AGGF1: variants seen among roughly 807,000 people sequenced by gnomAD.
The protein encoded by AGGF1 is angiogenic factor with G patch and FHA domains 1.
AGGF1 carries 56 observed loss-of-function variants against 86.5 expected under a neutral mutation model. That is an observed-to-expected ratio of 0.65 (90% CI 0.52 to 0.81). The LOEUF is 0.81. AGGF1 is among the 30% of genes least tolerant of loss of function. The pLI, the probability that AGGF1 is intolerant of heterozygous loss-of-function variation, is 0.00. For missense variants in AGGF1, 816 were observed against 850.9 expected (o/e 0.96, Z 0.51); for synonymous variants, 313 against 297.1 (o/e 1.05, Z -0.55).
intron 5 of AGGF1, among the ~76,000 whole-genome samples, chr5:77,042,543 C>T (rs1421832530): frequency 7.8e-5 from 6 of 77,378 alleles, no homozygotes; most frequent in African/African-American, 1.5e-4. Context: ...GCAGAGGCGC[C>T]CCTCACCTCC....
In AGGF1 at chr5:77,040,399, C is replaced by T. The variant is rs576462795; in HGVS notation, c.870+680C>T. Among the ~76,000 whole-genome samples, 23 of 148,490 alleles carry T rather than the reference C, an allele frequency of 1.5e-4. 1 individual carries two copies. Among genetic ancestry groups the T allele is most frequent in the South Asian group, 1.5e-3 (7 of 4,696 alleles). On this transcript the variant is annotated intron_variant, in intron 5 of 13. Transcript: ENST00000312916. ...TGCTGAGATTACAGGCATGAGCCAC[C>T]GCACCCGGCCAGGAAAATATTAAAA...
intron 11 of AGGF1, among the ~76,000 whole-genome samples, chr5:77,055,873 G>A (rs1747448627): frequency 6.6e-6 from 1 of 152,176 alleles, no homozygotes; most frequent in Non-Finnish European, 1.5e-5. Flanking sequence ...TCTGTAGTTT[G>A]TAGTCCCTGG....
At chr5:77,044,219 C>G (rs1453641343) in intron 5 of AGGF1, among the ~76,000 whole-genome samples, 1 of 150,238 alleles carries the variant, frequency 6.7e-6, no homozygotes, top group Admixed American at 6.6e-5. Context: ...TTTGGGAGGC[C>G]AGGGCAGGCG....
At position 77,032,252 on chromosome 5, in the gene AGGF1, T is replaced by TAAAAAAA. The variant is rs35068401; in HGVS notation, c.210+1292_210+1298dup. The stretch of plus-strand genomic sequence containing the variant: ...CTATGCTAGGAAAATACAAATATGG[T>TAAAAAAA]AAAAAAAAAAAAAAAAAAAAAACAG... On this transcript the variant is annotated intron_variant, in intron 1 of 13. Coordinates refer to ENST00000312916, the MANE Select transcript of AGGF1 (RefSeq NM_018046.5). Among the ~76,000 whole-genome samples, 292 of 107,840 alleles carry TAAAAAAA rather than the reference T, an allele frequency of 2.7e-3. 12 individuals carry two copies. Among genetic ancestry groups the TAAAAAAA allele is most frequent in the East Asian group, 6.3e-3 (23 of 3,676 alleles). The allele number at this position is 107,840 out of a possible 152,430, so 70.7% of individuals were successfully genotyped here. A position where few individuals can be genotyped will look rare whatever the true frequency, so the allele number is the denominator to read the frequency against.
intron 5 of AGGF1, among the ~76,000 whole-genome samples, chr5:77,046,047 G>A (rs1282619592): frequency 6.6e-6 from 1 of 152,214 alleles, no homozygotes; most frequent in African/African-American, 2.4e-5. Context: ...TTAAGACATT[G>A]AGAATAGAGA....
rs922480591 is a variant in AGGF1 at position 77,034,346 on chromosome 5, G to A, written c.211-72G>A. 7 of 915,508 alleles carry A rather than the reference G, an allele frequency of 7.6e-6. No homozygotes were observed. In the African/African-American group the frequency reaches 8.2e-5, roughly 11 times the overall value. 56.7% of individuals were successfully genotyped at this position (915,508 alleles called of 1,614,324 possible). A position where few individuals can be genotyped will look rare whatever the true frequency, so the allele number is the denominator to read the frequency against. On this transcript the variant is annotated intron_variant, in intron 1 of 13. Transcript: ENST00000312916. The stretch of plus-strand genomic sequence containing the variant: ...TTTCTCTAAAACAATTATTTGTAAC[G>A]GTAGGAGACTGGTATATATATTATT...
At chr5:77,054,866 G>T (rs1025339106) in intron 10 of AGGF1, among the ~76,000 whole-genome samples, 1 of 152,044 alleles carries the variant, frequency 6.6e-6, no homozygotes, top group Admixed American at 6.5e-5. Flanking sequence ...AGGCATGAAG[G>T]GTTATTGATT....
At chr5:77,054,210 A>G (rs1747423613) in intron 10 of AGGF1, 80 bp downstream of exon 10, 2 of 1,533,080 alleles carry the variant, frequency 1.3e-6, no homozygotes, top group Admixed American at 1.7e-5. Context: ...TCAGTCAGCT[A>G]CTGGCTACAT....
At chr5:77,054,273 CT>C in intron 10 of AGGF1, 143 bp downstream of exon 10, 4 of 1,001,962 alleles carry the variant, frequency 4.0e-6, no homozygotes, top group Non-Finnish European at 6.1e-6. Context: ...AGCTATCAGT[CT>C]TGTATCCAGT....
intron 11 of AGGF1, among the ~76,000 whole-genome samples, chr5:77,056,310 C>T (rs1303991226): frequency 7.0e-6 from 1 of 142,880 alleles, no homozygotes; most frequent in Non-Finnish European, 1.5e-5. Flanking sequence ...CTCACTGCTA[C>T]CTCTGTCTCC....
At chr5:77,059,489 A>G (rs1165484194) in intron 11 of AGGF1, 127 bp from the exon 12 acceptor site, 1 of 900,144 alleles carries the variant, frequency 1.1e-6, no homozygotes, top group Non-Finnish European at 1.7e-6. Context: ...TCTTCATATC[A>G]TAGCTTGTTT....
At position 77,052,381 on chromosome 5, in the gene AGGF1, C is replaced by CA. The variant is rs939260608; in HGVS notation, c.1366-314dup. ...AAAAAAAGTTTTTGATGATATGGACCAAAAAAAAAAAGTTTTTAATGATAT... is the reference window on the plus strand; with the variant it reads ...AAAAAAAGTTTTTGATGATATGGACCAAAAAAAAAAAAGTTTTTAATGATAT... On this transcript the variant is annotated intron_variant, in intron 8 of 13. Transcript: ENST00000312916. 4.4e-4 allele frequency among the ~76,000 whole-genome samples: 61 copies of CA among 137,390 alleles called. 1 individual carries two copies. The highest frequency in any genetic ancestry group is 1.2e-3 in the African/African-American group (46 of 37,230). The allele number at this position is 137,390 out of a possible 152,430, so 90.1% of individuals were successfully genotyped here.
At position 77,036,617 on chromosome 5, in the gene AGGF1, G is replaced by A. The variant is rs750966827; in HGVS notation, c.578G>A (p.Ser193Asn). 5 of 1,614,086 alleles carry A rather than the reference G, an allele frequency of 3.1e-6. No individual in the cohort carries two copies. The highest frequency in any genetic ancestry group is 4.5e-5 in the East Asian group (2 of 44,886). The change falls in exon 4 of 14, where the codon AGT (serine) becomes AAT (asparagine). Residue 193 changes from serine to asparagine, a missense_variant. Physicochemically the swap from Ser to Asn is conservative, Grantham distance 46. Transcript: ENST00000312916. ...TTAGAAGGCTCATCATTAGCTGAAA[G>A]TTTGAGAGCTGCAGCAGAAGCGGCT... The part of the protein sequence containing the change: ...TSLEGSSLAE[S>N]LRAAAEAAVS...
chr5:77,059,604 G>A lies in AGGF1; in HGVS notation c.1717-12G>A, dbSNP rs879766214. 3 of 1,592,936 alleles carry A rather than the reference G, an allele frequency of 1.9e-6. No homozygotes were observed. The East Asian group carries it at 6.7e-5, about 36-fold the overall frequency. On this transcript the variant is annotated splice_polypyrimidine_tract_variant and intron_variant, in intron 11 of 13. Transcript: ENST00000312916. ...CTTTCTTTTCCTGAATGAATATTTT[G>A]TGTTTATTAAGAATACAGAATACGA...
At position 77,063,140 on chromosome 5, in the gene AGGF1, AC is replaced by A. The variant is rs1747593752; in HGVS notation, c.2034del (p.Asn678LysfsTer32). ...FEDVHLLQNK[N>X]KKNWDKARER... ...GATGTTCACCTTCTCCAAAACAAGA[AC>A]AAAAAAAACTGGGACAAAGCACGAG... is the stretch of plus-strand genomic sequence containing the variant. On this transcript the variant is annotated frameshift_variant, in exon 14 of 14. Coordinates refer to ENST00000312916, the MANE Select transcript of AGGF1 (RefSeq NM_018046.5). LOFTEE classifies it high-confidence loss of function. The A allele has an allele frequency of 6.2e-7, 1 of 1,614,096 alleles. No individual in the cohort carries two copies. Among genetic ancestry groups the A allele is most frequent in the Admixed American group, 1.7e-5 (1 of 60,012 alleles).
At chr5:77,043,712 T>A (rs1487010584) in intron 5 of AGGF1, among the ~76,000 whole-genome samples, 1 of 133,222 alleles carries the variant, frequency 7.5e-6, no homozygotes, top group Non-Finnish European at 1.6e-5. Context: ...ACGGGGTGGC[T>A]GCCGGGCGGA....
chr5:77,049,095 C>A, intron 8 of AGGF1, 108 bp downstream of exon 8: 1 of 1,025,860 alleles, frequency 9.7e-7, no homozygotes, highest in Non-Finnish European at 1.5e-6. Context: ...GGTTAACATG[C>A]AGTGTAGTAA....
At chr5:77,054,838 G>A (rs1244271928) in intron 10 of AGGF1, among the ~76,000 whole-genome samples, 2 of 152,062 alleles carry the variant, frequency 1.3e-5, no homozygotes, top group African/African-American at 4.8e-5. Context: ...TAATATTAAC[G>A]TAGGAAATAA....
intron 2 of AGGF1, 129 bp from the exon 3 acceptor site, chr5:77,035,412 C>A: frequency 1.4e-6 from 1 of 707,890 alleles, no homozygotes; most frequent in Admixed American, 2.7e-5. Flanking sequence ...AAAATTTGTA[C>A]AGTTGTAAAA....
Sources: allele counts gnomAD v4.1 joint callset (sites outside exome capture counted in the v4.1 genomes callset), GRCh38; gene constraint gnomAD v4.1.1; transcripts MANE v1.5; gene names NCBI Gene and HGNC (gene_info 2026-07-23, HGNC 2026-07-21).